ARID3C: variants seen among roughly 807,000 people sequenced by gnomAD.
The protein encoded by ARID3C is AT-rich interaction domain 3C, also known as AT-rich interactive domain-containing protein 3C.
ARID3C carries 42 observed loss-of-function variants against 37.9 expected under a neutral mutation model. That is an observed-to-expected ratio of 1.11 (90% CI 0.87 to 1.43). ARID3C has a LOEUF of 1.43. Ranked by LOEUF, ARID3C falls within the 40% of genes most tolerant of loss-of-function variation. ARID3C has a pLI of 0.00. For synonymous variants in ARID3C, 213 were observed against 228.0 expected, an observed-to-expected ratio of 0.93 and a Z score of 0.59; for missense variants, 581 against 548.8, an observed-to-expected ratio of 1.06 and a Z score of -0.59.
At chr9:34,630,219 C>T (rs1461152931), upstream of ARID3C, among the ~76,000 whole-genome samples, 1 of 152,170 alleles carries the variant, frequency 6.6e-6, no homozygotes, top group Non-Finnish European at 1.5e-5. Flanking sequence ...TCTCCAGACC[C>T]CCTCAGCCCA....
intron 2 of ARID3C, among the ~76,000 whole-genome samples, chr9:34,624,671 G>C (rs1452758828): frequency 3.9e-5 from 6 of 152,214 alleles, no homozygotes; most frequent in Non-Finnish European, 2.9e-5. Flanking sequence ...CCTGACAAAG[G>C]GGCCTGTCTG....
intron 4 of ARID3C, 41 bp from the exon 6 acceptor site, chr9:34,622,570 C>T: frequency 6.5e-7 from 1 of 1,540,240 alleles, no homozygotes; most frequent in Non-Finnish European, 8.8e-7. Flanking sequence ...CCAAACCAAC[C>T]CATCTCTGCA....
chr9:34,632,860 T>C (rs1405903771), upstream of ARID3C, among the ~76,000 whole-genome samples: 4 of 152,104 alleles, frequency 2.6e-5, no homozygotes, highest in East Asian at 1.9e-4. Context: ...AGTGGAGATG[T>C]TGAGTAGAGA....
Position 34,627,454 on chromosome 9 carries a change from G to A in ARID3C, c.318+243C>T, listed in dbSNP as rs189659852. Among the ~76,000 whole-genome samples the A allele has an allele frequency of 6.2e-3, 945 of 152,264 alleles. 10 individuals carry two copies. The highest frequency in any genetic ancestry group is 0.021 in the African/African-American group (892 of 41,542). ...AGTCAAGAGTTCGAGACCGGCCTGG[G>A]CAATACAAGAAAACCTTGTCTTTAC... On this transcript the variant is annotated intron_variant, in intron 1 of 6. Coordinates refer to ENST00000378909, the Ensembl canonical transcript of ARID3C.
intron 2 of ARID3C, 42 bp downstream of exon 3, chr9:34,625,700 G>A (rs1008537209): frequency 1.9e-6 from 3 of 1,610,830 alleles, no homozygotes; most frequent in Admixed American, 1.7e-5. Flanking sequence ...AACCTGGTAA[G>A]GGGGCAATTC....
chr9:34,625,737 C>A lies in ARID3C; in HGVS notation c.391+5G>T. 1.2e-6 allele frequency: 2 copies of A among 1,613,944 alleles called. No homozygotes were observed. Among genetic ancestry groups the A allele is most frequent in the Non-Finnish European group, 1.7e-6 (2 of 1,179,872 alleles). On this transcript the variant is annotated splice_donor_5th_base_variant and intron_variant, in intron 2 of 6. Coordinates refer to ENST00000378909, the Ensembl canonical transcript of ARID3C. ...AGGGCCCTTCCCCCACATCATGCCA[C>A]TCACCCCTCTTTTGCATGAAGCTAA...
chr9:34,628,500 T>G (rs1486139579), upstream of ARID3C, among the ~76,000 whole-genome samples: 2 of 149,018 alleles, frequency 1.3e-5, no homozygotes, highest in Admixed American at 6.7e-5. The surrounding 1 kb of genome is among the most constrained non-coding windows in gnomAD (Gnocchi z 5.2). Flanking sequence ...AGAGACAGGG[T>G]AGACAGACAG....
intron 4 of ARID3C, 41 bp from the exon 6 acceptor site, chr9:34,622,570 C>A: frequency 6.5e-7 from 1 of 1,540,238 alleles, no homozygotes; most frequent in Non-Finnish European, 8.8e-7. Context: ...CCAAACCAAC[C>A]CATCTCTGCA....
intron 2 of ARID3C, among the ~76,000 whole-genome samples, chr9:34,624,594 CG>C (rs1820629849): frequency 6.6e-6 from 1 of 152,036 alleles, no homozygotes; most frequent in Admixed American, 6.5e-5. Flanking sequence ...GGATGACGGG[CG>C]GGAAAAGAAT....
Position 34,623,435 on chromosome 9 carries a change from AG to A in ARID3C, c.854del (p.Pro285LeufsTer41). On this transcript the variant is annotated frameshift_variant, in exon 4 of 7. Transcript: ENST00000378909. LOFTEE classifies it high-confidence loss of function. ...ATTCTCCCCTCGCACCTTTCTTAAT[AG>A]GGCTTGGACTCAGCTGAGCGCATGC... The A allele has an allele frequency of 6.7e-7, 1 of 1,500,680 alleles. No homozygotes were observed. The highest frequency in any genetic ancestry group is 1.4e-5 in the South Asian group (1 of 72,720). The allele number at this position is 1,500,680 out of a possible 1,614,324, so 93.0% of individuals were successfully genotyped here.
Position 34,623,527 on chromosome 9 carries a change from CG to C in ARID3C, c.762del (p.Ala255ProfsTer27). 1 of 1,565,460 alleles carries C rather than the reference CG, an allele frequency of 6.4e-7. No homozygotes were observed. The highest frequency in any genetic ancestry group is 1.2e-5 in the South Asian group (1 of 83,678). ...GGGCTGGACTGGGTCGCCGGAGGGG[CG>C]GGGCCGGGACCCAAGGCTGGGTCCT... On this transcript the variant is annotated frameshift_variant, in exon 4 of 7. Coordinates refer to ENST00000378909, the Ensembl canonical transcript of ARID3C. LOFTEE classifies it high-confidence loss of function.
upstream of ARID3C, among the ~76,000 whole-genome samples, chr9:34,630,275 T>C (rs891114045): frequency 1.3e-5 from 2 of 152,170 alleles, no homozygotes; most frequent in Non-Finnish European, 2.9e-5. Flanking sequence ...GCTGAAATGC[T>C]GTTCCTTATT....
intron 2 of ARID3C, 138 bp from the exon 4 acceptor site, chr9:34,624,185 T>A: frequency 1.1e-6 from 1 of 943,988 alleles, no homozygotes; most frequent in Non-Finnish European, 1.5e-6. Context: ...AACCCCAGGG[T>A]CTCTGTTTTA....
chr9:34,628,553 T>G (rs1587219120), upstream of ARID3C, among the ~76,000 whole-genome samples: 1 of 148,780 alleles, frequency 6.7e-6, no homozygotes, highest in African/African-American at 2.5e-5. The surrounding 1 kb of genome is among the most constrained non-coding windows in gnomAD (Gnocchi z 5.2). Context: ...ACAGGGAGGG[T>G]AAGAGAGGTA....
exon 5 of ARID3C, chr9:34,622,484 A>G: frequency 6.2e-7 from 1 of 1,612,622 alleles, no homozygotes; most frequent in Non-Finnish European, 8.5e-7. Flanking sequence ...TCCCAGTGCC[A>G]GGCCCACAGG....
At chr9:34,621,201 T>G (rs1177660454), downstream of ARID3C, among the ~76,000 whole-genome samples, 1 of 152,042 alleles carries the variant, frequency 6.6e-6, no homozygotes, top group Non-Finnish European at 1.5e-5. Context: ...AGGGAACACA[T>G]GAGGAGATGA....
chr9:34,630,414 A>C (rs971021802), upstream of ARID3C, among the ~76,000 whole-genome samples: 16 of 152,162 alleles, frequency 1.1e-4, no homozygotes, highest in South Asian at 2.1e-4. Flanking sequence ...ACAGAGGGAC[A>C]CTGTGAGGTG....
At chr9:34,631,156 A>G (rs974179970), upstream of ARID3C, among the ~76,000 whole-genome samples, 5 of 152,178 alleles carry the variant, frequency 3.3e-5, no homozygotes, top group Admixed American at 6.5e-5. Flanking sequence ...GGACAAAGGT[A>G]GGTGGCCAGA....
At chr9:34,622,244 A>G in intron 5 of ARID3C, 103 bp downstream of exon 6, 1 of 1,567,318 alleles carries the variant, frequency 6.4e-7, no homozygotes, top group African/African-American at 1.4e-5. Context: ...ACAGTTGTCT[A>G]CAGAGGAATC....
Sources: gnomAD v4.1 joint callset for allele counts (sites outside exome capture counted in the v4.1 genomes callset) on GRCh38, gnomAD v4.1.1 for gene constraint, Gnocchi (gnomAD v3.1) non-coding constraint, MANE v1.5 for transcripts, NCBI Gene and HGNC (gene_info 2026-07-23, HGNC 2026-07-21) for gene names.